The following RSPH14 variants were observed in gnomAD, a reference collection of about 807,000 sequenced individuals.
RSPH14 encodes rhabdoid tumor deletion region gene 1.
A neutral mutation model predicts 26.7 loss-of-function variants in RSPH14; 20 were observed. That is an observed-to-expected ratio of 0.75 (90% CI 0.53 to 1.09). The LOEUF (loss-of-function observed/expected upper bound fraction) is 1.09. Among genes scored for constraint, RSPH14 ranks in the 50% least tolerant of loss-of-function variants. The pLI is 0.00. For synonymous variants in RSPH14, 177 were observed against 189.3 expected, an observed-to-expected ratio of 0.93 and a Z score of 0.53; for missense variants, 449 against 457.2, an observed-to-expected ratio of 0.98 and a Z score of 0.16.
At chr22:23,079,846 G>A (rs1171780611) in intron 4 of RSPH14, among the ~76,000 whole-genome samples, 1 of 152,194 alleles carries the variant, frequency 6.6e-6, no homozygotes, top group African/African-American at 2.4e-5. Flanking sequence ...GGGACGCAGG[G>A]AAGGCGTGCT....
the RSPH14 span, among the ~76,000 whole-genome samples, chr22:23,170,192 G>A: frequency 2.2e-3 from 333 of 151,722 alleles, 2 homozygotes; most frequent in African/African-American, 5.8e-3. Flanking sequence ...GAAATATACC[G>A]TTCCTAGGTA....
At chr22:23,063,065 T>C (rs574711767) in intron 5 of RSPH14, among the ~76,000 whole-genome samples, 3 of 151,672 alleles carry the variant, frequency 2.0e-5, no homozygotes, top group East Asian at 1.9e-4. Flanking sequence ...AGCAGGGAGG[T>C]TACAGTTTCA....
At chr22:23,167,711 ATTT>A in the RSPH14 span, among the ~76,000 whole-genome samples, 1 of 145,674 alleles carries the variant, frequency 6.9e-6, no homozygotes, top group African/African-American at 2.7e-5. Flanking sequence ...TAATTAATTT[ATTT>A]TTTTTTTTAA....
chr22:23,106,777 C>T (rs988976064), intron 4 of RSPH14, among the ~76,000 whole-genome samples: 2 of 152,252 alleles, frequency 1.3e-5, no homozygotes, highest in African/African-American at 4.8e-5. Flanking sequence ...GGGCTCCCCA[C>T]CACACAGATG....
chr22:23,119,238 A>G (rs885965), intron 4 of RSPH14, among the ~76,000 whole-genome samples: 87,168 of 152,162 alleles, frequency 0.57, 25,309 homozygotes, highest in African/African-American at 0.64. Context: ...GGCAAGCACC[A>G]GGGCCCAGGC....
the RSPH14 span, chr22:23,180,567 A>AGGAGGCGGCGGC: frequency 1.5e-5 from 1 of 65,392 alleles, no homozygotes; most frequent in African/African-American, 1.4e-4. Flanking sequence ...TTAGCGTCCG[A>AGGAGGCGGCGGC]GGAGGCGGCG....
At chr22:23,169,722 CTGGT>C in the RSPH14 span, among the ~76,000 whole-genome samples, 1 of 152,094 alleles carries the variant, frequency 6.6e-6, no homozygotes, top group Non-Finnish European at 1.5e-5. Flanking sequence ...CTGGTGAGGG[CTGGT>C]TGGATAGGAC....
chr22:23,155,871 T>C, the RSPH14 span: 1 of 1,152,856 alleles, frequency 8.7e-7, no homozygotes, highest in Non-Finnish European at 1.2e-6. Context: ...CACAGGCCCT[T>C]AGGGTCTCCC....
rs183693846 is a variant in RSPH14, at chr22:23,060,221, C to T, written c.791-503G>A. 4.6e-3 allele frequency among the ~76,000 whole-genome samples: 700 copies of T among 152,238 alleles called. 4 individuals carry two copies. Among genetic ancestry groups the T allele is most frequent in the Non-Finnish European group, 4.2e-3 (289 of 68,008 alleles). On this transcript the variant is annotated intron_variant, in intron 6 of 6. Coordinates refer to ENST00000216036, the MANE Select transcript of RSPH14 (RefSeq NM_014433.3). ...GCGCGGTGGCTCACGCCTGTAATCC[C>T]AGCACTTTGGGAGGCCGAGGCTGGT...
the RSPH14 span, among the ~76,000 whole-genome samples, chr22:23,174,552 G>A: frequency 6.6e-6 from 1 of 152,132 alleles, no homozygotes; most frequent in Non-Finnish European, 1.5e-5. Flanking sequence ...GATTGGGGAT[G>A]CTGGAAATAC....
chr22:23,144,115 A>C (rs1048698000), upstream of RSPH14, among the ~76,000 whole-genome samples: 81 of 151,280 alleles, frequency 5.4e-4, no homozygotes, highest in African/African-American at 1.8e-3. Flanking sequence ...AAAAAAAAAA[A>C]AAAAACAGCT....
chr22:23,095,551 A>G (rs2069100098), intron 4 of RSPH14: 1 of 839,322 alleles, frequency 1.2e-6, no homozygotes, highest in East Asian at 2.7e-5. Flanking sequence ...CAGGGGCTGC[A>G]GTGTGGCTCG....
At chr22:23,149,998 C>A, upstream of RSPH14, 2 of 1,308,602 alleles carry the variant, frequency 1.5e-6, no homozygotes, top group Non-Finnish European at 2.2e-6. Flanking sequence ...CCCCTCACTG[C>A]TTGGCTACGA....
At chr22:23,152,947 G>A in the RSPH14 span, 1 of 952,376 alleles carries the variant, frequency 1.1e-6, no homozygotes, top group Non-Finnish European at 1.7e-6. Flanking sequence ...GACCTTATTT[G>A]CCTAAAGACT....
chr22:23,139,916 T>C (rs2146455551), intron 2 of RSPH14, among the ~76,000 whole-genome samples: 1 of 152,178 alleles, frequency 6.6e-6, no homozygotes, highest in Middle Eastern at 3.4e-3. Flanking sequence ...TAATAAGAAA[T>C]TAGTCAGCCA....
rs371989430 is a variant in RSPH14 at position 23,137,232 on chromosome 22, A to G, written c.302+1608T>C. Among the ~76,000 whole-genome samples the G allele has an allele frequency of 1.0e-4, 14 of 138,470 alleles. 3 individuals are homozygous for G. In the South Asian group the frequency reaches 1.1e-3, roughly 11 times the overall value. The allele number at this position is 138,470 out of a possible 152,430, so 90.8% of individuals were successfully genotyped here. On this transcript the variant is annotated intron_variant, in intron 3 of 6. Coordinates refer to ENST00000216036, the MANE Select transcript of RSPH14 (RefSeq NM_014433.3). Reference sequence around the variant, plus strand: ...CTCAGCCTCCTGAGTAGCTGGGACTACAGGCATGTGTCATCATGCTCAGCT... The same window carrying G: ...CTCAGCCTCCTGAGTAGCTGGGACTGCAGGCATGTGTCATCATGCTCAGCT...
chr22:23,144,461 G>C (rs184052058), upstream of RSPH14, among the ~76,000 whole-genome samples: 2 of 152,130 alleles, frequency 1.3e-5, no homozygotes, highest in African/African-American at 4.8e-5. Flanking sequence ...AGATAGTTGC[G>C]TTTATTTTAT....
chr22:23,097,597 C>T (rs961489871), intron 4 of RSPH14, among the ~76,000 whole-genome samples: 2 of 152,250 alleles, frequency 1.3e-5, no homozygotes, highest in Non-Finnish European at 2.9e-5. Context: ...TGTACGCAGG[C>T]GGCTGCGTCC....
chr22:23,148,649 G>A (rs1245016609), upstream of RSPH14, among the ~76,000 whole-genome samples: 1 of 152,242 alleles, frequency 6.6e-6, no homozygotes, highest in Non-Finnish European at 1.5e-5. Flanking sequence ...AATTCAGTCA[G>A]GTTGAGCAGG....
Sources: gnomAD v4.1 joint callset for allele counts (sites outside exome capture counted in the v4.1 genomes callset) on GRCh38, gnomAD v4.1.1 for gene constraint, MANE v1.5 for transcripts, NCBI Gene and HGNC (gene_info 2026-07-23, HGNC 2026-07-21) for gene names.